Variants in EDC3 observed in about 807,000 individuals in gnomAD.
EDC3 encodes enhancer of mRNA decapping 3.
Under a neutral mutation model 41.8 loss-of-function variants are expected in EDC3, and 20 were observed. The observed-to-expected ratio is 0.48, with a 90% CI of 0.34 to 0.70. The LOEUF is 0.70. Among genes scored for constraint, EDC3 ranks in the 30% least tolerant of loss-of-function variants. EDC3 has a pLI of 0.01. For synonymous variants in EDC3, 206 were observed against 243.2 expected, an observed-to-expected ratio of 0.85 and a Z score of 1.42; for missense variants, 444 against 636.8, an observed-to-expected ratio of 0.70 and a Z score of 3.26.
At chr15:74,691,566 A>G (rs2141689373) in intron 1 of EDC3, among the ~76,000 whole-genome samples, 1 of 152,296 alleles carries the variant, frequency 6.6e-6, no homozygotes, top group South Asian at 2.1e-4. Context: ...TGGTCTTTAC[A>G]CTGGAATACA....
At chr15:74,650,740 G>A (rs1199037348) in intron 4 of EDC3, among the ~76,000 whole-genome samples, 1 of 152,194 alleles carries the variant, frequency 6.6e-6, no homozygotes, top group East Asian at 1.9e-4. Flanking sequence ...GCTCATGCCT[G>A]TAATCCCAGC....
chr15:74,665,070 C>G (rs1473026233), intron 3 of EDC3, among the ~76,000 whole-genome samples: 1 of 152,252 alleles, frequency 6.6e-6, no homozygotes, highest in Non-Finnish European at 1.5e-5. Flanking sequence ...GTTGCCCAAG[C>G]TGGAGTGCAA....
chr15:74,659,703 C>T (rs1486805893), intron 3 of EDC3, among the ~76,000 whole-genome samples: 1 of 150,560 alleles, frequency 6.6e-6, no homozygotes, highest in Non-Finnish European at 1.5e-5. Context: ...GGACCCCTGT[C>T]TTTATAAAAA....
chr15:74,640,825 A>G (rs2062342636), intron 4 of EDC3: 3 of 607,180 alleles, frequency 4.9e-6, no homozygotes, highest in African/African-American at 1.9e-5. Context: ...AACTTGTTCC[A>G]GGTCACCACA....
At chr15:74,659,191 A>G (rs1478887532) in intron 3 of EDC3, among the ~76,000 whole-genome samples, 1 of 151,082 alleles carries the variant, frequency 6.6e-6, no homozygotes, top group African/African-American at 2.4e-5. Flanking sequence ...TGTTGGGCAC[A>G]GTGGCTCAGG....
At chr15:74,672,537 T>C (rs2062751630) in intron 2 of EDC3, among the ~76,000 whole-genome samples, 1 of 151,856 alleles carries the variant, frequency 6.6e-6, no homozygotes, top group Non-Finnish European at 1.5e-5. Flanking sequence ...TTAAATGGAC[T>C]GGGCACCATG....
intron 3 of EDC3, among the ~76,000 whole-genome samples, chr15:74,660,053 A>T (rs1002018812): frequency 5.9e-5 from 9 of 151,358 alleles, no homozygotes; most frequent in African/African-American, 1.9e-4. Context: ...CAAAAGAAAA[A>T]AAAATAAAAT....
chr15:74,658,653 A>AAC (rs1205572155), intron 3 of EDC3, among the ~76,000 whole-genome samples: 1 of 144,154 alleles, frequency 6.9e-6, no homozygotes, highest in Non-Finnish European at 1.5e-5. Context: ...AAAAAAAAAA[A>AAC]ACCAAGGCCA....
Position 74,671,351 on chromosome 15 carries a change from A to G in EDC3, c.484+104T>C. ...TTTCTGTGACGCTCAGCCAGCATCC[A>G]TTTTATTGGAATAACAAAGGATTTG... On this transcript the variant is annotated intron_variant, in intron 3 of 6. Transcript: ENST00000315127. This position sits in a 1 kb window ranked among gnomAD's most constrained non-coding sequence, Gnocchi z 4.6. The G allele has an allele frequency of 7.7e-7, 1 of 1,291,822 alleles. No individual in the cohort carries two copies. Among genetic ancestry groups the G allele is most frequent in the Non-Finnish European group, 1.1e-6 (1 of 928,556 alleles). 80.0% of individuals were successfully genotyped at this position (1,291,822 alleles called of 1,614,324 possible).
rs1023283291 is a variant in EDC3 at position 74,651,368 on chromosome 15, T to C, written c.820+4365A>G. ...GAAAGGAATTTCCAGAGAGAAAAAA[T>C]TGGGGTTAAACAAAGAGCTAAATTT... On this transcript the variant is annotated intron_variant, in intron 4 of 6. Transcript: ENST00000315127. Among the ~76,000 whole-genome samples, 4 of 151,998 alleles carry C rather than the reference T, an allele frequency of 2.6e-5. No homozygotes were observed. The East Asian group carries it at 5.8e-4, about 22-fold the overall frequency.
chr15:74,687,905 C>T (rs1464658949), intron 1 of EDC3, among the ~76,000 whole-genome samples: 2 of 152,138 alleles, frequency 1.3e-5, no homozygotes, highest in Non-Finnish European at 2.9e-5. Context: ...AAGGCTTTTA[C>T]TGTTTTATTT....
chr15:74,677,990 T>C (rs1283331980), intron 1 of EDC3, among the ~76,000 whole-genome samples: 2 of 150,734 alleles, frequency 1.3e-5, no homozygotes, highest in South Asian at 2.1e-4. Flanking sequence ...AAGAAGCCAA[T>C]GTGAAAAGGA....
At chr15:74,638,777 C>T (rs760548679) in intron 5 of EDC3, 6 of 152,080 alleles carry the variant, frequency 3.9e-5, no homozygotes, top group Non-Finnish European at 8.8e-5. Context: ...TAACCACCAT[C>T]CAATCAGATG....
intron 6 of EDC3, among the ~76,000 whole-genome samples, chr15:74,633,270 C>A (rs893041050): frequency 1.3e-5 from 2 of 152,210 alleles, no homozygotes; most frequent in African/African-American, 4.8e-5. Context: ...CTCAGGCATG[C>A]CTCTGTATAT....
chr15:74,672,798 A>G (rs1219988428), intron 2 of EDC3, among the ~76,000 whole-genome samples: 1 of 152,032 alleles, frequency 6.6e-6, no homozygotes, highest in East Asian at 1.9e-4. Context: ...CTGGGCAACA[A>G]AGTGAGACTC....
chr15:74,677,359 C>CTTTTTTT (rs747397931), intron 1 of EDC3, among the ~76,000 whole-genome samples: 1 of 111,324 alleles, frequency 9.0e-6, no homozygotes, highest in Admixed American at 9.8e-5. Context: ...CATGCCCAGC[C>CTTTTTTT]TTTTTTTTTT....
intron 1 of EDC3, among the ~76,000 whole-genome samples, chr15:74,685,116 C>T (rs1338762593): frequency 1.3e-5 from 2 of 152,082 alleles, no homozygotes; most frequent in Non-Finnish European, 1.5e-5. Flanking sequence ...GTGTGTTGGT[C>T]AGGCATGGTG....
chr15:74,668,393 G>C (rs893414422), intron 3 of EDC3, among the ~76,000 whole-genome samples: 1 of 145,272 alleles, frequency 6.9e-6, no homozygotes, highest in Non-Finnish European at 1.5e-5. Flanking sequence ...CGTTAATAAC[G>C]GGGAAAAATG....
chr15:74,666,137 T>C (rs1205159804), intron 3 of EDC3, among the ~76,000 whole-genome samples: 2 of 152,116 alleles, frequency 1.3e-5, no homozygotes, highest in Non-Finnish European at 2.9e-5. Flanking sequence ...TCTACTAGTC[T>C]CAATATCAAT....
Sources: gnomAD v4.1 joint callset for allele counts (sites outside exome capture counted in the v4.1 genomes callset) on GRCh38, gnomAD v4.1.1 for gene constraint, Gnocchi (gnomAD v3.1) non-coding constraint, MANE v1.5 for transcripts, NCBI Gene and HGNC (gene_info 2026-07-23, HGNC 2026-07-21) for gene names.